The following DIAPH2 variants were observed in gnomAD, a reference collection of about 807,000 sequenced individuals.
The protein encoded by DIAPH2 is protein diaphanous homolog 2.
A neutral mutation model predicts 92.7 loss-of-function variants in DIAPH2; 35 were observed. The ratio of observed to expected loss-of-function variants is 0.38; its 90% confidence interval spans 0.29 to 0.50. The LOEUF (loss-of-function observed/expected upper bound fraction) is 0.50, where lower values mean the gene tolerates loss of function less well. Ranked by LOEUF, DIAPH2 falls within the 20% of genes least tolerant of loss-of-function variation. The probability of loss-of-function intolerance (pLI) is 0.94; values close to 1 mark genes in which losing one functional copy is unlikely to be tolerated. For synonymous variants in DIAPH2, 301 were observed against 280.4 expected, an observed-to-expected ratio of 1.07 and a Z score of -0.73; for missense variants, 701 against 819.5, an observed-to-expected ratio of 0.86 and a Z score of 1.77.
At chrX:97,477,270 G>A (rs2070616789) in intron 26 of DIAPH2, among the ~76,000 whole-genome samples, 2 of 109,557 alleles carry the variant, frequency 1.8e-5, no homozygotes, top group African/African-American at 6.7e-5. Context: ...GGTGGAGGTT[G>A]CAGTGAGCAG....
rs150394508 is a variant in DIAPH2, at chrX:96,997,459, A to T, written c.2050+32252A>T. 1.8e-4 allele frequency among the ~76,000 whole-genome samples: 20 copies of T among 111,228 alleles called. No individual in the cohort carries two copies. In the East Asian group the frequency reaches 5.7e-3, roughly 32 times the overall value. On this transcript the variant is annotated intron_variant, in intron 17 of 26. Transcript: ENST00000324765. ...TACATCGTGCTCCGTGGTAAAAATG[A>T]CCTTTTAACTTAGGTTTTTGAATCA...
At chrX:96,873,673 CACACACAT>C (rs1294047785) in intron 4 of DIAPH2, among the ~76,000 whole-genome samples, 3 of 104,067 alleles carry the variant, frequency 2.9e-5, no homozygotes, top group South Asian at 4.3e-4. Context: ...CACACACACA[CACACACAT>C]ATAAAAATAT....
intron 10 of DIAPH2, among the ~76,000 whole-genome samples, chrX:96,933,165 G>T (rs780114379): frequency 9.1e-6 from 1 of 110,055 alleles, no homozygotes; most frequent in African/African-American, 3.3e-5. Flanking sequence ...CAACTAAGAG[G>T]TTGGGCATGT....
intron 22 of DIAPH2, among the ~76,000 whole-genome samples, chrX:97,200,015 A>T (rs2067734450): frequency 9.2e-6 from 1 of 108,911 alleles, no homozygotes; most frequent in East Asian, 2.9e-4. Context: ...AGTTGATCTC[A>T]TTGGGACTGA....
At chrX:97,417,812 C>A (rs1310284277) in intron 25 of DIAPH2, among the ~76,000 whole-genome samples, 1 of 111,084 alleles carries the variant, frequency 9.0e-6, no homozygotes, top group Non-Finnish European at 1.9e-5. Context: ...CAGTGGATGC[C>A]TGGACCCTGT....
At chrX:96,888,315 TC>T (rs2065278694) in intron 5 of DIAPH2, among the ~76,000 whole-genome samples, 2 of 108,929 alleles carry the variant, frequency 1.8e-5, no homozygotes, top group African/African-American at 6.7e-5. Context: ...TGCCTCGGCC[TC>T]CCAGAGTGCT....
At chrX:97,521,764 A>G (rs954001194) in intron 26 of DIAPH2, among the ~76,000 whole-genome samples, 10 of 111,688 alleles carry the variant, frequency 9.0e-5, no homozygotes, top group Admixed American at 4.7e-4. Flanking sequence ...GGAACTGTGA[A>G]TCAATTAAAC....
At chrX:97,234,331 C>CA (rs1182930277) in intron 22 of DIAPH2, among the ~76,000 whole-genome samples, 1,929 of 30,677 alleles carry the variant, frequency 0.063, 104 homozygotes, top group African/African-American at 0.13. Context: ...AACTCCATCT[C>CA]AAAAAAAAAA....
In DIAPH2 at chrX:96,949,038, A is replaced by G; in HGVS notation, c.1613A>G (p.Gln538Arg). Residue 538 changes from glutamine to arginine, a missense_variant and splice_region_variant, in exon 15 of 27, where the codon CAG becomes CGG. By Grantham distance (43) the Gln-to-Arg change is conservative. Coordinates refer to ENST00000324765, the MANE Select transcript of DIAPH2 (RefSeq NM_006729.5). ...GCAGAAATCCAGCAACTTCGAACCC[A>G]GGTAATGAAAGAAGATATAGACTTT... Reference protein sequence around the residue: ...LEAEIQQLRTQAQVLSSSSGI... With the variant: ...LEAEIQQLRTRAQVLSSSSGI... 1 of 1,158,212 alleles carries G rather than the reference A, an allele frequency of 8.6e-7. No individual in the cohort carries two copies.
chrX:96,799,591 C>G (rs1293447684), intron 4 of DIAPH2, among the ~76,000 whole-genome samples: 1 of 111,609 alleles, frequency 9.0e-6, no homozygotes, highest in African/African-American at 3.2e-5. Flanking sequence ...AGGCGGATCA[C>G]GAGCTTAGAA....
At chrX:97,095,696 C>T (rs959354145) in intron 19 of DIAPH2, among the ~76,000 whole-genome samples, 1 of 110,813 alleles carries the variant, frequency 9.0e-6, no homozygotes, top group African/African-American at 3.3e-5. Context: ...CTTAACTAAC[C>T]TTTAAGTGTT....
chrX:97,375,254 G>A (rs2069488273), intron 24 of DIAPH2, among the ~76,000 whole-genome samples: 1 of 111,099 alleles, frequency 9.0e-6, no homozygotes, highest in African/African-American at 3.3e-5. Context: ...TCAGCAGTTT[G>A]AGACCAGCCT....
At chrX:97,499,501 G>A (rs2070780635) in intron 26 of DIAPH2, among the ~76,000 whole-genome samples, 1 of 111,693 alleles carries the variant, frequency 9.0e-6, no homozygotes, top group Non-Finnish European at 1.9e-5. Flanking sequence ...TAGTGTACTT[G>A]TCACTCAAAT....
chrX:96,722,303 G>A (rs968366850), intron 1 of DIAPH2, among the ~76,000 whole-genome samples: 5 of 110,414 alleles, frequency 4.5e-5, no homozygotes, highest in African/African-American at 1.7e-4. Context: ...GTTGCAGTGA[G>A]TTGAGATTGC....
chrX:97,403,445 C>T (rs915314563), intron 25 of DIAPH2, among the ~76,000 whole-genome samples: 1 of 112,066 alleles, frequency 8.9e-6, no homozygotes, highest in African/African-American at 3.2e-5. Flanking sequence ...GAACCTTATT[C>T]TCTGATGAAT....
At chrX:96,864,348 C>T (rs1352705950) in intron 4 of DIAPH2, among the ~76,000 whole-genome samples, 1 of 103,857 alleles carries the variant, frequency 9.6e-6, no homozygotes, top group East Asian at 3.0e-4. Flanking sequence ...GCCAAATCTG[C>T]TCATTGCTAT....
chrX:97,167,678 C>G (rs905584298), intron 22 of DIAPH2, among the ~76,000 whole-genome samples: 2 of 111,632 alleles, frequency 1.8e-5, no homozygotes, highest in Non-Finnish European at 3.8e-5. Flanking sequence ...TTTTCTAAAG[C>G]AGTTGTACTG....
At chrX:96,967,395 T>TATTTC (rs771061926) in intron 17 of DIAPH2, among the ~76,000 whole-genome samples, 1 of 105,759 alleles carries the variant, frequency 9.5e-6, no homozygotes, top group Non-Finnish European at 2.0e-5. Context: ...TTTATTTATT[T>TATTTC]ATTCATTCAT....
At position 96,939,360 on chromosome X, in the gene DIAPH2, A is replaced by G; in HGVS notation, c.1303A>G (p.Ile435Val). The change falls in exon 12 of 27, where the codon ATC (isoleucine) becomes GTC (valine). Residue 435 changes from isoleucine to valine, a missense_variant. Ile to Val is a conservative substitution (Grantham distance 29, BLOSUM62 3). Coordinates refer to ENST00000324765, the MANE Select transcript of DIAPH2 (RefSeq NM_006729.5). ...ATCTATTCTACAACATTTTTTGCTT[A>G]TCAGAAATGATTATTATATCAGGTA... Reference protein sequence around the residue: ...FLSILQHFLLIRNDYYIRPQY... With the variant: ...FLSILQHFLLVRNDYYIRPQY... 1 of 1,061,220 alleles carries G rather than the reference A, an allele frequency of 9.4e-7. No individual in the cohort carries two copies. Among genetic ancestry groups the G allele is most frequent in the African/African-American group, 1.9e-5 (1 of 53,979 alleles). 87.5% of individuals were successfully genotyped at this position (1,061,220 alleles called of 1,213,427 possible).
Sources: allele counts gnomAD v4.1 joint callset (sites outside exome capture counted in the v4.1 genomes callset), GRCh38; gene constraint gnomAD v4.1.1; transcripts MANE v1.5; gene names NCBI Gene and HGNC (gene_info 2026-07-23, HGNC 2026-07-21).